SH2D4B: variants seen among roughly 807,000 people sequenced by gnomAD.
SH2D4B encodes SH2 domain containing 4B.
In SH2D4B, 45 loss-of-function variants were observed where a neutral mutation model predicts 61.5. The observed-to-expected ratio is 0.73, with a 90% CI of 0.58 to 0.94. The LOEUF (loss-of-function observed/expected upper bound fraction) is 0.94, where lower values mean the gene tolerates loss of function less well. SH2D4B is among the 40% of genes least tolerant of loss of function. The pLI is 0.00. For synonymous variants in SH2D4B, 224 were observed against 220.4 expected (o/e 1.02, Z -0.14); for missense variants, 572 against 574.2 (o/e 1.00, Z 0.04).
intron 5 of SH2D4B, chr10:80,607,209 A>T (rs757368919): frequency 1.3e-5 from 2 of 152,228 alleles, no homozygotes; most frequent in South Asian, 4.1e-4. Context: ...TTGCTGTTAC[A>T]TATAACTTCC....
At chr10:80,589,719 G>A (rs548206368) in intron 4 of SH2D4B, among the ~76,000 whole-genome samples, 1 of 152,154 alleles carries the variant, frequency 6.6e-6, no homozygotes, top group Non-Finnish European at 1.5e-5. Context: ...GTCCTGGTGG[G>A]TCTGCAGAAG....
At chr10:80,544,351 G>A (rs1186307784) in intron 1 of SH2D4B, among the ~76,000 whole-genome samples, 2 of 152,186 alleles carry the variant, frequency 1.3e-5, no homozygotes, top group East Asian at 1.9e-4. Flanking sequence ...AACATCAGAA[G>A]GAACAAACTC....
chr10:80,630,813 C>T (rs1019202769), intron 6 of SH2D4B, among the ~76,000 whole-genome samples: 2 of 152,076 alleles, frequency 1.3e-5, no homozygotes, highest in Admixed American at 6.5e-5. Flanking sequence ...AGTCCAAGGT[C>T]GGCTTGTGGG....
intron 6 of SH2D4B, among the ~76,000 whole-genome samples, chr10:80,631,251 T>C (rs1842830338): frequency 6.6e-6 from 1 of 152,224 alleles, no homozygotes; most frequent in Admixed American, 6.5e-5. Flanking sequence ...GTTTGTTTAT[T>C]TATTAATGTA....
chr10:80,565,062 A>T (rs187645219), intron 1 of SH2D4B, among the ~76,000 whole-genome samples: 1,713 of 152,320 alleles, frequency 0.011, 34 homozygotes, highest in African/African-American at 0.039. Context: ...ATTTGAGCAC[A>T]GTTTGAACAC....
chr10:80,599,835 G>A (rs1029294902), intron 4 of SH2D4B, among the ~76,000 whole-genome samples: 1 of 152,098 alleles, frequency 6.6e-6, no homozygotes, highest in Non-Finnish European at 1.5e-5. Context: ...TCAGCATCTC[G>A]GCTGCCTGTT....
At chr10:80,554,675 A>G (rs538518799) in intron 1 of SH2D4B, among the ~76,000 whole-genome samples, 1 of 152,200 alleles carries the variant, frequency 6.6e-6, no homozygotes, top group African/African-American at 2.4e-5. Context: ...GTGGAAGGTA[A>G]TCTGCTTTAT....
At chr10:80,575,022 G>A (rs1267314205) in intron 3 of SH2D4B, among the ~76,000 whole-genome samples, 2 of 151,888 alleles carry the variant, frequency 1.3e-5, no homozygotes, top group Non-Finnish European at 2.9e-5. Context: ...TTTAAATGGA[G>A]TATAATGTGG....
chr10:80,630,160 A>G (rs1842813641), intron 6 of SH2D4B, among the ~76,000 whole-genome samples: 1 of 152,180 alleles, frequency 6.6e-6, no homozygotes, highest in South Asian at 2.1e-4. Context: ...CAGCTCAGAG[A>G]AAAATCTTGG....
intron 1 of SH2D4B, among the ~76,000 whole-genome samples, chr10:80,546,056 T>TC (rs1285751747): frequency 6.6e-6 from 1 of 150,546 alleles, no homozygotes; most frequent in African/African-American, 2.4e-5. Flanking sequence ...CTTTTTTTTT[T>TC]TTTTTTTAGA....
In SH2D4B at chr10:80,609,463, T is replaced by A. The variant is rs17107368; in HGVS notation, c.900T>A (p.Asp300Glu). The change falls in exon 6 of 8, where the codon GAT becomes GAA. Residue 300 changes from aspartate to glutamate, a missense_variant. Asp to Glu is a conservative substitution (Grantham distance 45). Transcript: ENST00000646907. ...WERPLRPVSR[D>E]VIVRWFKEEQ... ...GCCCGCTGCGCCCAGTCTCCAGAGATGTCATCGTCCGCTGGTTTAAGGAGG... is the reference window on the plus strand; with the variant it reads ...GCCCGCTGCGCCCAGTCTCCAGAGAAGTCATCGTCCGCTGGTTTAAGGAGG... 265,432 of 1,613,990 alleles carry A rather than the reference T, an allele frequency of 0.16. 23,937 individuals are homozygous for A. The highest frequency in any genetic ancestry group is 0.4 in the East Asian group (17,781 of 44,856).
rs370968553 is a variant in SH2D4B, at chr10:80,644,021, A to T, written c.1238A>T (p.Glu413Val). Residue 413 changes from glutamate to valine, a missense_variant, in exon 8 of 8, where the codon GAG (glutamate) becomes GTG (valine). Glu to Val is a moderately radical substitution (Grantham distance 121). Transcript: ENST00000646907. ...GAAATTATCACTGTTTCAGGAGGAG[A>T]GTTACTTCAGGAACCCTGCGGACAG... ...KEEIITVSGGELLQEPCGQRD... is the reference protein window; with the variant it reads ...KEEIITVSGGVLLQEPCGQRD... The T allele has an allele frequency of 1.2e-6, 2 of 1,613,276 alleles. No individual in the cohort carries two copies. Among genetic ancestry groups the T allele is most frequent in the Non-Finnish European group, 1.7e-6 (2 of 1,179,802 alleles).
In SH2D4B at chr10:80,539,580, G is replaced by A. The variant is rs76156439; in HGVS notation, c.184+1065G>A. Among the ~76,000 whole-genome samples, 578 of 152,348 alleles carry A rather than the reference G, an allele frequency of 3.8e-3. 28 individuals carry two copies. The East Asian group carries it at 0.088, about 23-fold the overall frequency. ...ATCCACCTGACAGACTCCATCAGGA[G>A]TGGCCCCCCTGCCCTGGAGTGTTCA... On this transcript the variant is annotated intron_variant, in intron 1 of 7. Transcript: ENST00000646907. This position sits in a 1 kb window ranked among gnomAD's most constrained non-coding sequence, Gnocchi z 4.9.
At chr10:80,580,420 C>G (rs184683394) in intron 3 of SH2D4B, among the ~76,000 whole-genome samples, 1 of 152,196 alleles carries the variant, frequency 6.6e-6, no homozygotes, top group East Asian at 1.9e-4. Context: ...ACTCTGTGGT[C>G]GGTGGTCTCT....
chr10:80,634,191 G>C, intron 6 of SH2D4B, 94 bp from the exon 7 acceptor site: 2 of 1,441,788 alleles, frequency 1.4e-6, no homozygotes, highest in Non-Finnish European at 1.8e-6. Flanking sequence ...TGTGCACTGA[G>C]CCACAGGGTG....
chr10:80,585,928 G>A (rs956898378), intron 3 of SH2D4B, among the ~76,000 whole-genome samples: 3 of 152,252 alleles, frequency 2.0e-5, no homozygotes, highest in African/African-American at 7.2e-5. Flanking sequence ...CGGGCCAGCT[G>A]GATTTCTGGG....
At position 80,538,638 on chromosome 10, in the gene SH2D4B, A is replaced by G. The variant is rs904435343; in HGVS notation, c.184+123A>G. ...GGGGTGATGAGGGCTGGGGGCTTGA[A>G]ACCCTTGTCTTGTGGGCATCAGGTC... On this transcript the variant is annotated intron_variant, in intron 1 of 7. Transcript: ENST00000646907. This position sits in a 1 kb window ranked among gnomAD's most constrained non-coding sequence, Gnocchi z 4.8. 2.0e-5 allele frequency: 17 copies of G among 849,758 alleles called. No individual in the cohort carries two copies. The South Asian group carries it at 8.2e-4, about 41-fold the overall frequency. 52.6% of individuals were successfully genotyped at this position (849,758 alleles called of 1,614,324 possible).
At chr10:80,569,374 G>A (rs1217341841) in intron 1 of SH2D4B, among the ~76,000 whole-genome samples, 2 of 152,238 alleles carry the variant, frequency 1.3e-5, no homozygotes, top group Non-Finnish European at 1.5e-5. Context: ...TCCAAAGCTT[G>A]TACTGCTCAC....
chr10:80,582,671 ACC>A (rs1842196151), intron 3 of SH2D4B, among the ~76,000 whole-genome samples: 2 of 152,108 alleles, frequency 1.3e-5, no homozygotes, highest in Admixed American at 1.3e-4. Flanking sequence ...CCTGGACAAC[ACC>A]ACCTGCCCTT....
Sources: gnomAD v4.1 joint callset for allele counts (sites outside exome capture counted in the v4.1 genomes callset) on GRCh38, gnomAD v4.1.1 for gene constraint, Gnocchi (gnomAD v3.1) non-coding constraint, MANE v1.5 for transcripts, NCBI Gene and HGNC (gene_info 2026-07-23, HGNC 2026-07-21) for gene names.